PPP2R2B: variants seen among roughly 807,000 people sequenced by gnomAD.
The protein encoded by PPP2R2B is serine/threonine-protein phosphatase 2A 55 kDa regulatory subunit B beta isoform.
In PPP2R2B, 5 loss-of-function variants were observed where a neutral mutation model predicts 46.0. The ratio of observed to expected loss-of-function variants is 0.11; its 90% CI spans 0.06 to 0.23. PPP2R2B has a LOEUF of 0.23. Among genes scored for constraint, PPP2R2B ranks in the 10% least tolerant of loss-of-function variants. The pLI is 1.00. For missense variants in PPP2R2B, 367 were observed against 575.0 expected (o/e 0.64, Z 3.70); for synonymous variants, 215 against 206.7 (o/e 1.04, Z -0.34).
intron 1 of PPP2R2B, among the ~76,000 whole-genome samples, chr5:147,045,818 G>C (rs998655733): frequency 6.6e-6 from 1 of 152,046 alleles, no homozygotes; most frequent in African/African-American, 2.4e-5. Context: ...CTTTCCCTCA[G>C]AATCTTGCTT....
At chr5:146,696,115 T>G (rs534670396) in intron 4 of PPP2R2B, among the ~76,000 whole-genome samples, 92 of 152,232 alleles carry the variant, frequency 6.0e-4, no homozygotes, top group South Asian at 4.2e-4. Context: ...GAGTTTTTTT[T>G]TTTTTTGAGA....
intron 1 of PPP2R2B, among the ~76,000 whole-genome samples, chr5:146,883,931 A>G (rs1197931903): frequency 1.3e-5 from 2 of 152,128 alleles, no homozygotes; most frequent in African/African-American, 2.4e-5. Context: ...ACAGTGGTAC[A>G]CTGAAGCTGG....
At chr5:146,824,625 T>C (rs1758459330) in intron 2 of PPP2R2B, among the ~76,000 whole-genome samples, 1 of 152,164 alleles carries the variant, frequency 6.6e-6, no homozygotes, top group African/African-American at 2.4e-5. Flanking sequence ...GGTAGAGTGG[T>C]AATTTTTGAA....
At chr5:146,927,837 G>A (rs368629830) in intron 1 of PPP2R2B, among the ~76,000 whole-genome samples, 5 of 151,636 alleles carry the variant, frequency 3.3e-5, no homozygotes, top group African/African-American at 4.8e-5. Context: ...GGGTTCAAGC[G>A]ATTCTCCTGC....
At chr5:147,047,118 G>T (rs572294086) in intron 1 of PPP2R2B, among the ~76,000 whole-genome samples, 1 of 152,040 alleles carries the variant, frequency 6.6e-6, no homozygotes, top group South Asian at 2.1e-4. Context: ...GCAGGCCCAG[G>T]GTTCTTCCTA....
chr5:146,775,816 T>C (rs1755147338), intron 2 of PPP2R2B, among the ~76,000 whole-genome samples: 1 of 152,110 alleles, frequency 6.6e-6, no homozygotes, highest in Non-Finnish European at 1.5e-5. Context: ...CAAAAGAAGT[T>C]GTATTTTTAT....
chr5:146,805,191 G>C (rs1757101996), intron 2 of PPP2R2B, among the ~76,000 whole-genome samples: 2 of 152,266 alleles, frequency 1.3e-5, no homozygotes, highest in South Asian at 2.1e-4. Context: ...TTATTACATA[G>C]AAAGTTGAGG....
intron 2 of PPP2R2B, among the ~76,000 whole-genome samples, chr5:146,710,071 T>A (rs1025874145): frequency 6.6e-6 from 1 of 152,202 alleles, no homozygotes. Context: ...AGTATTAAGA[T>A]GATTTGTGTT....
intron 2 of PPP2R2B, among the ~76,000 whole-genome samples, chr5:146,814,046 C>T (rs1385467105): frequency 1.3e-5 from 2 of 152,072 alleles, no homozygotes; most frequent in Non-Finnish European, 2.9e-5. Flanking sequence ...GCAGTTAAAG[C>T]CATGACTTCG....
intron 2 of PPP2R2B, among the ~76,000 whole-genome samples, chr5:146,812,768 AAT>A (rs1757663608): frequency 3.6e-5 from 1 of 28,058 alleles, no homozygotes; most frequent in Non-Finnish European, 7.8e-5. Flanking sequence ...AGAGTTACTT[AAT>A]GTGTGTGTGT....
intron 2 of PPP2R2B, among the ~76,000 whole-genome samples, chr5:146,817,650 GC>G (rs968274893): frequency 2.0e-5 from 3 of 152,070 alleles, no homozygotes; most frequent in African/African-American, 7.2e-5. Context: ...AGTAACATAG[GC>G]TTGTTGTAAA....
At chr5:146,762,394 G>A (rs1193548472) in intron 2 of PPP2R2B, among the ~76,000 whole-genome samples, 1 of 152,168 alleles carries the variant, frequency 6.6e-6, no homozygotes, top group Non-Finnish European at 1.5e-5. Context: ...ACAGAAGGCA[G>A]TTATGAGGAT....
At chr5:146,843,597 T>A (rs1475751573) in intron 2 of PPP2R2B, among the ~76,000 whole-genome samples, 1 of 152,224 alleles carries the variant, frequency 6.6e-6, no homozygotes, top group Non-Finnish European at 1.5e-5. Flanking sequence ...TCTCACTGTC[T>A]ATTTTGGCCA....
At chr5:146,988,287 A>G (rs1753524877) in intron 1 of PPP2R2B, among the ~76,000 whole-genome samples, 1 of 151,986 alleles carries the variant, frequency 6.6e-6, no homozygotes, top group Admixed American at 6.6e-5. Context: ...ATATTATAAA[A>G]CATACCACTA....
intron 2 of PPP2R2B, among the ~76,000 whole-genome samples, chr5:146,755,982 T>C (rs939729069): frequency 1.7e-4 from 26 of 152,306 alleles, no homozygotes; most frequent in Middle Eastern, 6.8e-3. Context: ...ATCCCTTTCA[T>C]GTATCATTTA....
chr5:146,604,272 C>A (rs911583735), intron 7 of PPP2R2B, among the ~76,000 whole-genome samples: 2 of 152,210 alleles, frequency 1.3e-5, no homozygotes, highest in Non-Finnish European at 2.9e-5. Context: ...ATAAAATTTA[C>A]TTCTCATGCC....
At chr5:146,710,941 G>A (rs1780180117) in intron 2 of PPP2R2B, among the ~76,000 whole-genome samples, 1 of 152,150 alleles carries the variant, frequency 6.6e-6, no homozygotes, top group Non-Finnish European at 1.5e-5. Flanking sequence ...TCCACTTTGT[G>A]GAAGCTAAAA....
intron 2 of PPP2R2B, among the ~76,000 whole-genome samples, chr5:146,847,814 A>C (rs559175580): frequency 6.6e-6 from 1 of 152,248 alleles, no homozygotes; most frequent in Admixed American, 6.5e-5. Context: ...TTCTCTTATT[A>C]TCCAATTCAT....
chr5:146,683,483 A>G (rs1431695399), intron 5 of PPP2R2B, among the ~76,000 whole-genome samples: 2 of 152,188 alleles, frequency 1.3e-5, no homozygotes, highest in East Asian at 3.8e-4. Context: ...TACAATAAGG[A>G]TAATATCAGT....
Sources: allele counts gnomAD v4.1 joint callset (sites outside exome capture counted in the v4.1 genomes callset), GRCh38; gene constraint gnomAD v4.1.1; transcripts MANE v1.5; gene names NCBI Gene and HGNC (gene_info 2026-07-23, HGNC 2026-07-21).